Variants in EFR3A observed in about 807,000 individuals in gnomAD.
EFR3A encodes the protein EFR3 homolog A, also known as protein EFR3 homolog A.
Under a neutral mutation model 104.4 loss-of-function variants are expected in EFR3A, and 76 were observed. The ratio of observed to expected loss-of-function variants is 0.73; its 90% CI spans 0.60 to 0.88. The LOEUF (loss-of-function observed/expected upper bound fraction) is 0.88. Ranked by LOEUF, EFR3A falls within the 40% of genes least tolerant of loss-of-function variation. The pLI is 0.00. For synonymous variants in EFR3A, 330 were observed against 330.0 expected (o/e 1.00, Z 0.00); for missense variants, 985 against 1,012.5 (o/e 0.97, Z 0.37).
chr8:131,955,806 A>T lies in EFR3A; in HGVS notation c.677A>T (p.Lys226Ile). Residue 226 changes from lysine to isoleucine, a missense_variant, in exon 7 of 23, where the codon AAA (lysine) becomes ATA (isoleucine). Coordinates refer to ENST00000254624, the MANE Select transcript of EFR3A (RefSeq NM_015137.6). The part of the protein sequence containing the change: ...GPPSSPSATD[K>I]EENPAVLAEN... ...CCTTCTTCTCCTTCTGCAACTGACA[A>T]AGAAGAGAATCCTGCTGTGCTGGCT... The T allele has an allele frequency of 6.2e-7, 1 of 1,613,410 alleles. No homozygotes were observed. Among genetic ancestry groups the T allele is most frequent in the East Asian group, 2.2e-5 (1 of 44,856 alleles).
Position 132,003,217 on chromosome 8 carries a change from A to G in EFR3A, c.2311-19A>G, listed in dbSNP as rs930531793. On this transcript the variant is annotated intron_variant, in intron 21 of 22. Coordinates refer to ENST00000254624, the MANE Select transcript of EFR3A (RefSeq NM_015137.6). ...ACCTAGAAAATAAACCATTCTTAACATTTTTTTCTTTTTTGCAGGCAAATT... is the reference window on the plus strand; with the variant it reads ...ACCTAGAAAATAAACCATTCTTAACGTTTTTTTCTTTTTTGCAGGCAAATT... 5.6e-6 allele frequency: 9 copies of G among 1,605,820 alleles called. No homozygotes were observed. Among genetic ancestry groups the G allele is most frequent in the Non-Finnish European group, 6.8e-6 (8 of 1,173,510 alleles).
intron 1 of EFR3A, among the ~76,000 whole-genome samples, chr8:131,911,717 A>G (rs796890733): frequency 1.3e-5 from 2 of 152,250 alleles, no homozygotes; most frequent in Non-Finnish European, 2.9e-5. Flanking sequence ...GGTTCAACAA[A>G]GTATGGACAT....
intron 17 of EFR3A, 22 bp from the exon 18 acceptor site, chr8:131,987,553 G>T (rs374761661): frequency 6.3e-7 from 1 of 1,576,258 alleles, no homozygotes; most frequent in Non-Finnish European, 8.6e-7. Flanking sequence ...CTGAATGATT[G>T]TTGTTTTGAT....
chr8:131,906,342 T>G (rs1816265014), intron 1 of EFR3A, among the ~76,000 whole-genome samples: 1 of 152,140 alleles, frequency 6.6e-6, no homozygotes, highest in Non-Finnish European at 1.5e-5. Flanking sequence ...ATAAGCTAAG[T>G]GTTTTTGTTT....
At chr8:131,975,882 T>C in intron 10 of EFR3A, 145 bp from the exon 11 acceptor site, 1 of 600,968 alleles carries the variant, frequency 1.7e-6, no homozygotes, top group Non-Finnish European at 3.0e-6. Flanking sequence ...AATGAAATTG[T>C]AATATCCTTT....
At chr8:131,945,834 C>T (rs1170645903) in intron 3 of EFR3A, among the ~76,000 whole-genome samples, 1 of 151,994 alleles carries the variant, frequency 6.6e-6, no homozygotes, top group African/African-American at 2.4e-5. Flanking sequence ...TACATTGTCG[C>T]TAACTTTAGT....
intron 8 of EFR3A, among the ~76,000 whole-genome samples, chr8:131,965,929 G>A (rs1819693708): frequency 6.6e-6 from 1 of 152,086 alleles, no homozygotes; most frequent in Non-Finnish European, 1.5e-5. Flanking sequence ...GATGAAATTG[G>A]AAACCATCAT....
chr8:131,911,828 A>T (rs2130385789), intron 1 of EFR3A, among the ~76,000 whole-genome samples: 1 of 152,324 alleles, frequency 6.6e-6, no homozygotes, highest in South Asian at 2.1e-4. Flanking sequence ...TTATCTGAGC[A>T]TGCATTCTTT....
At chr8:131,989,013 C>T (rs1194297620) in intron 18 of EFR3A, among the ~76,000 whole-genome samples, 1 of 152,076 alleles carries the variant, frequency 6.6e-6, no homozygotes, top group Non-Finnish European at 1.5e-5. Context: ...TCCCTGATTC[C>T]TCCCATCCCT....
intron 14 of EFR3A, among the ~76,000 whole-genome samples, chr8:131,983,912 T>C (rs567772228): frequency 1.3e-5 from 2 of 152,228 alleles, no homozygotes; most frequent in Non-Finnish European, 2.9e-5. Flanking sequence ...TTTTTACTGG[T>C]TATTTTTATT....
intron 1 of EFR3A, among the ~76,000 whole-genome samples, chr8:131,925,895 A>G (rs1410339803): frequency 6.6e-6 from 1 of 152,148 alleles, no homozygotes. Flanking sequence ...TAGTGTATAC[A>G]ATAATGAATA....
rs115618514 is a variant in EFR3A at position 131,915,231 on chromosome 8, G to T, written c.10+10909G>T. Among the ~76,000 whole-genome samples the T allele has an allele frequency of 8.8e-3, 1,336 of 152,258 alleles. 23 individuals are homozygous for T. The highest frequency in any genetic ancestry group is 0.03 in the African/African-American group (1,264 of 41,538). ...AATATGCCCTCTGACAAGAATTTAA[G>T]CTGTTTTATAATCAATAGCTCGGGA... On this transcript the variant is annotated intron_variant, in intron 1 of 22. Transcript: ENST00000254624.
At chr8:131,969,017 A>G (rs949903973) in intron 9 of EFR3A, among the ~76,000 whole-genome samples, 1 of 152,202 alleles carries the variant, frequency 6.6e-6, no homozygotes, top group Admixed American at 6.5e-5. Context: ...TTTTTCTGGC[A>G]GCAAAATGTA....
chr8:131,912,677 A>G (rs1319341600), intron 1 of EFR3A, among the ~76,000 whole-genome samples: 1 of 152,164 alleles, frequency 6.6e-6, no homozygotes, highest in African/African-American at 2.4e-5. Flanking sequence ...GATTCTTAAG[A>G]TGTTTTTACA....
chr8:131,913,593 G>A (rs951178749), intron 1 of EFR3A, among the ~76,000 whole-genome samples: 1 of 152,010 alleles, frequency 6.6e-6, no homozygotes, highest in Non-Finnish European at 1.5e-5. Flanking sequence ...TTTATTCTTA[G>A]TTGGTGAGTT....
chr8:131,958,484 G>T (rs1412934852), intron 7 of EFR3A, among the ~76,000 whole-genome samples: 4 of 152,036 alleles, frequency 2.6e-5, no homozygotes, highest in Non-Finnish European at 1.5e-5. Flanking sequence ...CTTTAGAACA[G>T]GTAGCCATGT....
chr8:132,012,596 C>T lies in EFR3A; in HGVS notation c.*1701C>T, dbSNP rs998763474. The T allele has an allele frequency of 6.6e-6, 1 of 152,256 alleles. No homozygotes were observed. The highest frequency in any genetic ancestry group is 1.5e-5 in the Non-Finnish European group (1 of 67,962). 9.4% of individuals were successfully genotyped at this position (152,256 alleles called of 1,614,324 possible). ...AAGCCAAGTTGTATTTTTTTAATTG[C>T]CCTTTTTTCCTTCTGTATTTTTAAA... On this transcript the variant is annotated 3_prime_UTR_variant, in exon 23 of 23. Transcript: ENST00000254624.
intron 1 of EFR3A, among the ~76,000 whole-genome samples, chr8:131,935,877 T>C (rs1316850191): frequency 6.6e-6 from 1 of 151,902 alleles, no homozygotes. Flanking sequence ...TTTTTTTTTT[T>C]AATGATCCAA....
At chr8:132,003,843 C>T (rs1480453008) in intron 22 of EFR3A, among the ~76,000 whole-genome samples, 3 of 152,156 alleles carry the variant, frequency 2.0e-5, no homozygotes, top group African/African-American at 7.2e-5. Context: ...GAAGGAGAGG[C>T]AAACTCTAGG....
Sources: allele counts gnomAD v4.1 joint callset (sites outside exome capture counted in the v4.1 genomes callset), GRCh38; gene constraint gnomAD v4.1.1; transcripts MANE v1.5; gene names NCBI Gene and HGNC (gene_info 2026-07-23, HGNC 2026-07-21).